LRRIQ1: variants seen among roughly 807,000 people sequenced by gnomAD.
LRRIQ1 encodes the protein leucine rich repeats and IQ motif containing 1, also known as leucine-rich repeat- and IQ domain-containing protein 1.
Under a neutral mutation model 211.9 loss-of-function variants are expected in LRRIQ1, and 210 were observed. That is an observed-to-expected ratio of 0.99 (90% CI 0.89 to 1.11). The LOEUF is 1.11. LRRIQ1 is among the 50% of genes most tolerant of loss of function. The pLI, the probability that LRRIQ1 is intolerant of heterozygous loss-of-function variation, is 0.00. For synonymous variants in LRRIQ1, 699 were observed against 650.1 expected, an observed-to-expected ratio of 1.08 and a Z score of -1.14; for missense variants, 2,136 against 1,939.5, an observed-to-expected ratio of 1.10 and a Z score of -1.90.
chr12:85,073,156 GGGA>G, intron 11 of LRRIQ1, 58 bp downstream of exon 11: 1 of 1,314,696 alleles, frequency 7.6e-7, no homozygotes, highest in Non-Finnish European at 1.1e-6. Flanking sequence ...AGGAGGTATG[GGGA>G]GGGTTGGATC....
the LRRIQ1 span, among the ~76,000 whole-genome samples, chr12:85,269,914 G>T: frequency 2.0e-5 from 3 of 152,052 alleles, no homozygotes; most frequent in Admixed American, 2.0e-4. Flanking sequence ...GTCAGTATTC[G>T]TGGGTTCTTG....
At chr12:85,230,990 A>G (rs1403796081) in intron 25 of LRRIQ1, among the ~76,000 whole-genome samples, 2 of 151,906 alleles carry the variant, frequency 1.3e-5, no homozygotes, top group African/African-American at 4.8e-5. Flanking sequence ...GGAGCTTGCA[A>G]TGAGCCGAGA....
intron 25 of LRRIQ1, among the ~76,000 whole-genome samples, chr12:85,231,004 T>C (rs894561183): frequency 6.6e-5 from 10 of 151,316 alleles, no homozygotes; most frequent in African/African-American, 1.7e-4. Context: ...GCCGAGATCG[T>C]GCCACTGCAC....
chr12:85,093,639 C>T (rs983340464), intron 11 of LRRIQ1, among the ~76,000 whole-genome samples: 6 of 152,174 alleles, frequency 3.9e-5, no homozygotes, highest in Non-Finnish European at 7.4e-5. Flanking sequence ...CTCACATTTG[C>T]TTACTTCTAT....
At chr12:85,197,096 A>G (rs1445992397) in intron 24 of LRRIQ1, among the ~76,000 whole-genome samples, 1 of 152,098 alleles carries the variant, frequency 6.6e-6, no homozygotes, top group Non-Finnish European at 1.5e-5. Context: ...ATCACTGGCC[A>G]TTAGAGAAAT....
intron 11 of LRRIQ1, among the ~76,000 whole-genome samples, chr12:85,087,537 T>C (rs1244369476): frequency 6.6e-6 from 1 of 152,342 alleles, no homozygotes; most frequent in South Asian, 2.1e-4. Context: ...CCACAATGGT[T>C]GAACTAGTTT....
chr12:85,236,570 G>T (rs1463240428), intron 26 of LRRIQ1, among the ~76,000 whole-genome samples: 1 of 151,920 alleles, frequency 6.6e-6, no homozygotes, highest in Non-Finnish European at 1.5e-5. Context: ...GGATATTGCA[G>T]AAGGATGTCA....
intron 26 of LRRIQ1, among the ~76,000 whole-genome samples, chr12:85,233,255 G>A (rs1895032095): frequency 6.6e-6 from 1 of 151,946 alleles, no homozygotes; most frequent in East Asian, 1.9e-4. Context: ...CAGTATAACT[G>A]TATGTGCATT....
chr12:85,217,498 ATATATATATATGTGTG>A (rs1204394110), intron 24 of LRRIQ1, among the ~76,000 whole-genome samples: 8 of 80,146 alleles, frequency 1.0e-4, no homozygotes, highest in African/African-American at 6.5e-4. Flanking sequence ...ATATGTATAT[ATATATATATATGTGTG>A]TGTGTGTGTG....
intron 19 of LRRIQ1, among the ~76,000 whole-genome samples, chr12:85,144,677 A>T (rs1889769326): frequency 6.6e-6 from 1 of 151,612 alleles, no homozygotes; most frequent in African/African-American, 2.4e-5. Flanking sequence ...AGAAATACAA[A>T]AGTAGCCAGG....
At chr12:85,181,465 G>A (rs1891978297) in intron 24 of LRRIQ1, among the ~76,000 whole-genome samples, 1 of 151,612 alleles carries the variant, frequency 6.6e-6, no homozygotes, top group Non-Finnish European at 1.5e-5. Flanking sequence ...ATAACCTATG[G>A]TTCTTTGTAC....
At chr12:85,142,900 A>G (rs1565865474) in intron 19 of LRRIQ1, among the ~76,000 whole-genome samples, 1 of 151,644 alleles carries the variant, frequency 6.6e-6, no homozygotes, top group South Asian at 2.1e-4. Flanking sequence ...GTTATTGTGA[A>G]TAATGCTAGA....
intron 24 of LRRIQ1, among the ~76,000 whole-genome samples, chr12:85,225,822 G>A (rs1894623893): frequency 6.6e-6 from 1 of 152,176 alleles, no homozygotes; most frequent in East Asian, 1.9e-4. Context: ...TCCTACACAA[G>A]TTGCTAAAAG....
At chr12:85,180,485 A>T (rs1443394229) in intron 24 of LRRIQ1, among the ~76,000 whole-genome samples, 1 of 151,956 alleles carries the variant, frequency 6.6e-6, no homozygotes, top group East Asian at 1.9e-4. Context: ...AATTAAAAAA[A>T]ATGATAGTTC....
intron 11 of LRRIQ1, among the ~76,000 whole-genome samples, chr12:85,088,223 T>C (rs1885026005): frequency 6.6e-6 from 1 of 152,154 alleles, no homozygotes; most frequent in Non-Finnish European, 1.5e-5. Context: ...TATTTCTTGT[T>C]TTTGTAAGGT....
intron 2 of LRRIQ1, among the ~76,000 whole-genome samples, chr12:85,038,891 C>T (rs994944074): frequency 6.6e-6 from 1 of 151,186 alleles, no homozygotes; most frequent in African/African-American, 2.4e-5. Context: ...CTGTTCTTTT[C>T]CATTACTTTA....
At chr12:85,095,603 C>G (rs1015372674) in intron 11 of LRRIQ1, among the ~76,000 whole-genome samples, 1 of 151,962 alleles carries the variant, frequency 6.6e-6, no homozygotes, top group East Asian at 1.9e-4. Context: ...CTGTCACTGC[C>G]AGATTTTGGT....
chr12:85,170,198 C>A (rs1488986264), intron 24 of LRRIQ1, among the ~76,000 whole-genome samples: 1 of 151,208 alleles, frequency 6.6e-6, no homozygotes, highest in Non-Finnish European at 1.5e-5. Context: ...TTTGTATTTC[C>A]CCCTAATTCT....
At chr12:85,238,518 G>A (rs1895302830) in intron 26 of LRRIQ1, among the ~76,000 whole-genome samples, 1 of 151,936 alleles carries the variant, frequency 6.6e-6, no homozygotes, top group Non-Finnish European at 1.5e-5. Context: ...CATTTGTAAG[G>A]ATTATGGTTC....
Sources: allele counts gnomAD v4.1 joint callset (sites outside exome capture counted in the v4.1 genomes callset), GRCh38; gene constraint gnomAD v4.1.1; transcripts MANE v1.5; gene names NCBI Gene and HGNC (gene_info 2026-07-23, HGNC 2026-07-21).